The following PTPN21 variants were observed in gnomAD, a reference collection of about 807,000 sequenced individuals.
The protein encoded by PTPN21 is protein tyrosine phosphatase non-receptor type 21.
In PTPN21, 77 loss-of-function variants were observed where a neutral mutation model predicts 131.8. The observed-to-expected ratio is 0.58, with a 90% CI of 0.49 to 0.71. The LOEUF (loss-of-function observed/expected upper bound fraction) is 0.71. PTPN21 is among the 30% of genes least tolerant of loss of function. PTPN21 has a pLI of 0.00. For missense variants in PTPN21, 1,552 were observed against 1,527.1 expected (o/e 1.02, Z -0.27); for synonymous variants, 715 against 621.3 (o/e 1.15, Z -2.24).
intron 12 of PTPN21, among the ~76,000 whole-genome samples, chr14:88,481,679 C>T (rs1405485339): frequency 6.6e-6 from 1 of 152,138 alleles, no homozygotes; most frequent in Non-Finnish European, 1.5e-5. Context: ...TCATTTCCAG[C>T]CTGAGTTGGG....
chr14:88,552,556 A>G (rs2078883112), intron 1 of PTPN21: 1 of 152,168 alleles, frequency 6.6e-6, no homozygotes, highest in African/African-American at 2.4e-5. Context: ...TATTTCCCAT[A>G]GCCAGGAAAA....
rs2077428192 is a variant in PTPN21, at chr14:88,469,758, T to C, written c.3001-25A>G. The C allele has an allele frequency of 6.2e-7, 1 of 1,612,208 alleles. No homozygotes were observed. The highest frequency in any genetic ancestry group is 1.1e-5 in the South Asian group (1 of 91,018). On this transcript the variant is annotated intron_variant, in intron 16 of 18. Transcript: ENST00000556564. The surrounding 1 kb of genome is among the most constrained non-coding windows in gnomAD (Gnocchi z 4.3). ...CCTGTTAAAGATGAGCATGGTTAAA[T>C]GACTCGAGATCCGGCAATGGATGCC... is the stretch of plus-strand genomic sequence containing the variant.
In PTPN21 at chr14:88,513,853, C is replaced by T. The variant is rs566903342; in HGVS notation, c.350+3239G>A. The stretch of plus-strand genomic sequence containing the variant: ...TAAATGTTACTTTTTTGTCTGTTGG[C>T]ATGAAGTGTTTTTCCAGAAGTCTGA... On this transcript the variant is annotated intron_variant, in intron 3 of 18. Coordinates refer to ENST00000556564, the MANE Select transcript of PTPN21 (RefSeq NM_007039.4). 3 of 152,288 alleles carry T rather than the reference C, an allele frequency of 2.0e-5. No homozygotes were observed. In the South Asian group the frequency reaches 6.2e-4, roughly 32 times the overall value. 9.4% of individuals were successfully genotyped at this position (152,288 alleles called of 1,614,324 possible).
Position 88,490,891 on chromosome 14 carries a change from AG to A in PTPN21, c.933-5050del, listed in dbSNP as rs1207671442. Among the ~76,000 whole-genome samples the A allele has an allele frequency of 6.6e-5, 10 of 152,286 alleles. No individual in the cohort carries two copies. The South Asian group carries it at 1.9e-3, about 28-fold the overall frequency. On this transcript the variant is annotated intron_variant, in intron 10 of 18. Coordinates refer to ENST00000556564, the MANE Select transcript of PTPN21 (RefSeq NM_007039.4). ...CTCCCTTTTCCTCACAGAAAAGAGC[AG>A]GGGAGCCACCTACACCAAGGGGCCT...
At position 88,469,691 on chromosome 14, in the gene PTPN21, C is replaced by A; in HGVS notation, c.3043G>T (p.Gly1015Cys). The change falls in exon 17 of 19, where the codon GGT (glycine) becomes TGT (cysteine). Residue 1015 changes from glycine (G) to cysteine (C), a missense_variant. Transcript: ENST00000556564. This position sits in a 1 kb window ranked among gnomAD's most constrained non-coding sequence, Gnocchi z 4.3. The part of the protein sequence containing the change: ...EKSFRYWPRL[G>C]SRHNTVTYGR... ...TAGGTGACAGTGTTGTGCCTGGAAC[C>A]AAGTCGTGGCCAGTACCTAAAGCTC... 1.2e-6 allele frequency: 2 copies of A among 1,614,174 alleles called. No homozygotes were observed. The highest frequency in any genetic ancestry group is 1.7e-6 in the Non-Finnish European group (2 of 1,180,026).
chr14:88,517,069 A>C, intron 3 of PTPN21, 23 bp downstream of exon 3: 1 of 1,610,938 alleles, frequency 6.2e-7, no homozygotes, highest in Non-Finnish European at 8.5e-7. Context: ...TTTCCTAAAA[A>C]CAAACGGCAT....
At position 88,469,898 on chromosome 14, in the gene PTPN21, C is replaced by A. The variant is rs1217233825; in HGVS notation, c.3000+24G>T. On this transcript the variant is annotated intron_variant, in intron 16 of 18. Transcript: ENST00000556564. The surrounding 1 kb of genome is among the most constrained non-coding windows in gnomAD (Gnocchi z 4.3). The stretch of plus-strand genomic sequence containing the variant: ...ACTGTTCTTCAGAGGCTGAGAAAAT[C>A]ACTTAAGAGAAATAAGTACCTACCT... The A allele has an allele frequency of 1.2e-6, 2 of 1,613,518 alleles. No homozygotes were observed. Among genetic ancestry groups the A allele is most frequent in the East Asian group, 4.5e-5 (2 of 44,874 alleles).
In PTPN21 at chr14:88,469,619, A is replaced by T. The variant is rs1349780550; in HGVS notation, c.3115T>A (p.Tyr1039Asn). Residue 1039 changes from tyrosine to asparagine, a missense_variant, in exon 17 of 19, where the codon TAT (tyrosine) becomes AAT (asparagine). Tyr to Asn is a moderately radical substitution (Grantham distance 143). This residue lies in a region of PTPN21 where 316 missense variants were observed against 378.5 expected (regional missense o/e 0.83). Transcript: ENST00000556564. The surrounding 1 kb of genome is among the most constrained non-coding windows in gnomAD (Gnocchi z 4.3). Reference protein sequence around the residue: ...TTRFRTDSGCYATTGLKMKHL... With the variant: ...TTRFRTDSGCNATTGLKMKHL... ...TTCATCTTCAGGCCTGTGGTGGCAT[A>T]GCAGCCAGAGTCTGTGCGGAACCGG... 1.2e-6 allele frequency: 2 copies of T among 1,614,050 alleles called. No homozygotes were observed. Among genetic ancestry groups the T allele is most frequent in the Non-Finnish European group, 1.7e-6 (2 of 1,180,024 alleles).
At chr14:88,486,538 T>C (rs147770522) in intron 10 of PTPN21, among the ~76,000 whole-genome samples, 1 of 151,992 alleles carries the variant, frequency 6.6e-6, no homozygotes, top group East Asian at 1.9e-4. Context: ...ATAAAAAAAT[T>C]TCAAACCTAC....
intron 10 of PTPN21, among the ~76,000 whole-genome samples, chr14:88,490,882 G>A (rs1390707680): frequency 2.0e-5 from 3 of 152,128 alleles, no homozygotes; most frequent in Non-Finnish European, 2.9e-5. Flanking sequence ...TTTCCTCACA[G>A]AAAAGAGCAG....
chr14:88,524,181 AAAG>A (rs533763747), intron 2 of PTPN21, among the ~76,000 whole-genome samples: 11 of 152,172 alleles, frequency 7.2e-5, no homozygotes, highest in Non-Finnish European at 1.3e-4. Flanking sequence ...CAATACTGAA[AAAG>A]AATAACAAAA....
intron 2 of PTPN21, among the ~76,000 whole-genome samples, chr14:88,520,726 A>C (rs757352282): frequency 5.3e-5 from 8 of 152,222 alleles, no homozygotes; most frequent in Non-Finnish European, 8.8e-5. Context: ...GAAATGGTAA[A>C]GTCAATCAAT....
In PTPN21 at chr14:88,497,201, A is replaced by G; in HGVS notation, c.852+2T>C. On this transcript the variant is annotated splice_donor_variant, in intron 9 of 18. Coordinates refer to ENST00000556564, the MANE Select transcript of PTPN21 (RefSeq NM_007039.4). LOFTEE classifies it high-confidence loss of function. ...CCATGCAGACCCCTAATGTTTACTC[A>G]CAGTTTGAAATTGAATGGTCTCCTC... The G allele has an allele frequency of 6.3e-7, 1 of 1,594,344 alleles. No homozygotes were observed. The highest frequency in any genetic ancestry group is 8.6e-7 in the Non-Finnish European group (1 of 1,162,092).
At chr14:88,509,403 CAT>C (rs1367041333) in intron 3 of PTPN21, among the ~76,000 whole-genome samples, 5 of 152,194 alleles carry the variant, frequency 3.3e-5, no homozygotes, top group African/African-American at 9.7e-5. Flanking sequence ...TTAATCATTT[CAT>C]ATGAGTCTTT....
intron 2 of PTPN21, among the ~76,000 whole-genome samples, chr14:88,539,767 T>C (rs929940016): frequency 6.6e-6 from 1 of 152,218 alleles, no homozygotes; most frequent in African/African-American, 2.4e-5. Context: ...ATCTGCATTC[T>C]ATTGAAGGGT....
chr14:88,469,193 G>A lies in PTPN21; in HGVS notation c.3236-117C>T, dbSNP rs2140077881. On this transcript the variant is annotated intron_variant, in intron 17 of 18. Transcript: ENST00000556564. The surrounding 1 kb of genome is among the most constrained non-coding windows in gnomAD (Gnocchi z 4.3). Reference sequence around the variant, plus strand: ...GGACTGCAGATAAAGAGCACTGGGTGCCAGTGAACCAAACCCAACCACAAA... The same window carrying A: ...GGACTGCAGATAAAGAGCACTGGGTACCAGTGAACCAAACCCAACCACAAA... The A allele has an allele frequency of 8.4e-7, 1 of 1,185,176 alleles. No homozygotes were observed. The highest frequency in any genetic ancestry group is 1.2e-6 in the Non-Finnish European group (1 of 855,756). 73.4% of individuals were successfully genotyped at this position (1,185,176 alleles called of 1,614,324 possible). A position where few individuals can be genotyped will look rare whatever the true frequency, so the allele number is the denominator to read the frequency against.
At chr14:88,520,151 C>T (rs1279930995) in intron 2 of PTPN21, among the ~76,000 whole-genome samples, 1 of 152,176 alleles carries the variant, frequency 6.6e-6, no homozygotes, top group Non-Finnish European at 1.5e-5. Flanking sequence ...TGTGGTGGCA[C>T]ACACCTGGAA....
chr14:88,479,451 C>G lies in PTPN21; in HGVS notation c.1980G>C (p.Ser660=). Residue 660 remains serine, a synonymous_variant, in exon 13 of 19, where the codon TCG becomes TCC. Transcript: ENST00000556564. ...LRLKERTLSA[S]AAEVAPRAVS... is the part of the protein sequence containing the mutation. Reference sequence around the variant, plus strand: ...CGGCTCGCGGCGCCACCTCTGCCGCCGACGCGGATAGGGTGCGCTCCTTGA... The same window carrying G: ...CGGCTCGCGGCGCCACCTCTGCCGCGGACGCGGATAGGGTGCGCTCCTTGA... 3 of 1,602,240 alleles carry G rather than the reference C, an allele frequency of 1.9e-6. No individual in the cohort carries two copies. Among genetic ancestry groups the G allele is most frequent in the Non-Finnish European group, 2.5e-6 (3 of 1,178,630 alleles).
intron 6 of PTPN21, 74 bp from the exon 7 acceptor site, chr14:88,501,442 C>A: frequency 8.0e-7 from 1 of 1,242,470 alleles, no homozygotes; most frequent in South Asian, 1.2e-5. Context: ...TTCTTAAAAC[C>A]TATATGTCAA....
Sources: gnomAD v4.1 joint callset for allele counts (sites outside exome capture counted in the v4.1 genomes callset) on GRCh38, gnomAD v4.1.1 for gene constraint, gnomAD v4.1.1 regional missense constraint, Gnocchi (gnomAD v3.1) non-coding constraint, MANE v1.5 for transcripts, NCBI Gene and HGNC (gene_info 2026-07-23, HGNC 2026-07-21) for gene names.